Variants in PIPOX observed in about 807,000 individuals in gnomAD.
PIPOX encodes the protein peroxisomal sarcosine oxidase.
In PIPOX, 45 loss-of-function variants were observed where a neutral mutation model predicts 47.9. The ratio of observed to expected loss-of-function variants is 0.94; its 90% CI spans 0.74 to 1.20. The LOEUF is 1.20. Among genes scored for constraint, PIPOX ranks in the 50% most tolerant of loss-of-function variants. The pLI is 0.00. For synonymous variants in PIPOX, 165 were observed against 191.3 expected, an observed-to-expected ratio of 0.86 and a Z score of 1.13; for missense variants, 458 against 498.4, an observed-to-expected ratio of 0.92 and a Z score of 0.77.
In PIPOX at chr17:29,043,239, A is replaced by G; in HGVS notation, c.14A>G (p.Lys5Arg). Residue 5 changes from lysine to arginine, a missense_variant, in exon 1 of 8, where the codon AAA becomes AGA. Transcript: ENST00000323372. MAAQ[K>R]DLWDAIVIGA... ...CTGAGTGGCATCATGGCGGCTCAGA[A>G]AGATCTCTGGGACGCCATTGTGATT... 6.2e-7 allele frequency: 1 copy of G among 1,613,046 alleles called. No homozygotes were observed. The highest frequency in any genetic ancestry group is 1.7e-4 in the Middle Eastern group (1 of 6,052).
At chr17:29,051,459 C>T (rs1271991665) in intron 2 of PIPOX, among the ~76,000 whole-genome samples, 1 of 152,172 alleles carries the variant, frequency 6.6e-6, no homozygotes, top group Non-Finnish European at 1.5e-5. Flanking sequence ...CCATGAGACT[C>T]CATTATAGGC....
rs971009828 is a variant in PIPOX at position 29,056,707 on chromosome 17, G to A, written c.*402G>A. The A allele has an allele frequency of 1.1e-5, 2 of 184,616 alleles. No homozygotes were observed. The highest frequency in any genetic ancestry group is 4.7e-5 in the African/African-American group (2 of 42,246). The allele number at this position is 184,616 out of a possible 1,614,324, so 11.4% of individuals were successfully genotyped here. On this transcript the variant is annotated 3_prime_UTR_variant, in exon 8 of 8. Transcript: ENST00000323372. ...TAAAAATTCTCTTTGCTGGGGGCCG[G>A]GTGTGGTGGCTCACACCTGTAATCT...
At chr17:29,050,703 G>A (rs566589755) in intron 2 of PIPOX, among the ~76,000 whole-genome samples, 2 of 152,262 alleles carry the variant, frequency 1.3e-5, no homozygotes, top group South Asian at 2.1e-4. Context: ...CAAGTGTGGT[G>A]GCATGTGCCT....
intron 2 of PIPOX, among the ~76,000 whole-genome samples, chr17:29,048,366 G>C (rs1439544707): frequency 6.6e-6 from 1 of 152,188 alleles, no homozygotes; most frequent in Non-Finnish European, 1.5e-5. Context: ...TTAGGAGTTG[G>C]CAGTTCAGGT....
intron 6 of PIPOX, 134 bp from the exon 7 acceptor site, chr17:29,055,679 T>G: frequency 1.3e-6 from 1 of 773,732 alleles, no homozygotes; most frequent in Non-Finnish European, 2.3e-6. Context: ...GGCACGGGCA[T>G]GCGGAAAGCA....
At chr17:29,051,758 A>G (rs1232030674) in intron 2 of PIPOX, among the ~76,000 whole-genome samples, 1 of 152,214 alleles carries the variant, frequency 6.6e-6, no homozygotes, top group Non-Finnish European at 1.5e-5. Flanking sequence ...CTAGGAGACC[A>G]TCTATCGGTG....
At chr17:29,053,803 G>A (rs2065816606) in intron 4 of PIPOX, 1 of 465,800 alleles carries the variant, frequency 2.1e-6, no homozygotes, top group African/African-American at 1.9e-5. Flanking sequence ...TTAGGCTGGT[G>A]CAAAAGTAAT....
At chr17:29,053,817 A>G (rs888488236) in intron 4 of PIPOX, among the ~76,000 whole-genome samples, 1 of 152,206 alleles carries the variant, frequency 6.6e-6, no homozygotes, top group Non-Finnish European at 1.5e-5. Flanking sequence ...AAGTAATTGC[A>G]GTTTTACCGT....
In PIPOX at chr17:29,053,106, T is replaced by C; in HGVS notation, c.450T>C (p.Tyr150=). The C allele has an allele frequency of 8.1e-6, 13 of 1,614,192 alleles. No individual in the cohort carries two copies. The highest frequency in any genetic ancestry group is 1.1e-5 in the Non-Finnish European group (13 of 1,180,022). The change falls in exon 3 of 8, where the codon TAT becomes TAC. Residue 150 remains tyrosine, a synonymous_variant. Transcript: ENST00000323372. ...GLLDNSGGVI[Y]AYKALRALQD... ...TGGACAATTCCGGAGGAGTTATCTA[T>C]GCATATAAGGCCCTCAGAGCCCTGC... is the stretch of plus-strand genomic sequence containing the variant.
intron 4 of PIPOX, among the ~76,000 whole-genome samples, chr17:29,054,260 G>T (rs2065818181): frequency 6.6e-6 from 1 of 152,182 alleles, no homozygotes. Flanking sequence ...CAATAAACCT[G>T]AGGTCTTATT....
At position 29,055,907 on chromosome 17, in the gene PIPOX, G is replaced by A. The variant is rs377506685; in HGVS notation, c.1042+19G>A. The A allele has an allele frequency of 2.5e-6, 4 of 1,609,338 alleles. No homozygotes were observed. Among genetic ancestry groups the A allele is most frequent in the East Asian group, 2.2e-5 (1 of 44,872 alleles). On this transcript the variant is annotated intron_variant, in intron 7 of 7. Transcript: ENST00000323372. ...TTCTCTGGTGAGTCTGAGCTGGGGG[G>A]AATGGGGTGCCTTAAAGCTGACCTA... is the stretch of plus-strand genomic sequence containing the variant.
intron 6 of PIPOX, among the ~76,000 whole-genome samples, 192 bp from the exon 7 acceptor site, chr17:29,055,621 G>A (rs1046661258): frequency 2.0e-5 from 3 of 152,184 alleles, no homozygotes; most frequent in African/African-American, 4.8e-5. Flanking sequence ...AGCTCTGTGC[G>A]AGAAGAAAGG....
intron 7 of PIPOX, 120 bp downstream of exon 7, chr17:29,056,008 A>G (rs1002788317): frequency 2.4e-6 from 3 of 1,261,456 alleles, no homozygotes; most frequent in African/African-American, 2.9e-5. Flanking sequence ...CATTGTAGGT[A>G]TAAGGAGGCT....
intron 3 of PIPOX, 135 bp from the exon 4 acceptor site, chr17:29,053,278 A>G: frequency 4.2e-6 from 5 of 1,186,262 alleles, no homozygotes; most frequent in Non-Finnish European, 6.0e-6. Flanking sequence ...GCAGTGAAAT[A>G]TATGCGGCTG....
intron 4 of PIPOX, 181 bp downstream of exon 4, chr17:29,053,776 G>A (rs1485277822): frequency 1.0e-5 from 5 of 484,076 alleles, no homozygotes; most frequent in Admixed American, 6.7e-5. Flanking sequence ...TCATAGGGCT[G>A]TTGGAGAATT....
At position 29,054,599 on chromosome 17, in the gene PIPOX, G is replaced by A; in HGVS notation, c.715G>A (p.Val239Met). ...AGAGATGGTTCCTGGGAGCTATGGTGTGTCCCAGGCCTTTCCGTGCTTCCT... is the reference window on the plus strand; with the variant it reads ...AGAGATGGTTCCTGGGAGCTATGGTATGTCCCAGGCCTTTCCGTGCTTCCT... ...WREMVPGSYG[V>M]SQAFPCFLWL... The change falls in exon 5 of 8, where the codon GTG (valine) becomes ATG (methionine). Residue 239 changes from valine (V) to methionine (M), a missense_variant. Physicochemically the swap from Val to Met is conservative, Grantham distance 21 (BLOSUM62 1). Transcript: ENST00000323372. 6.2e-7 allele frequency: 1 copy of A among 1,614,168 alleles called. No individual in the cohort carries two copies. The highest frequency in any genetic ancestry group is 1.1e-5 in the South Asian group (1 of 91,086).
Position 29,043,658 on chromosome 17 carries a change from C to T in PIPOX, c.114+319C>T, listed in dbSNP as rs564158074. On this transcript the variant is annotated intron_variant, in intron 1 of 7. Transcript: ENST00000323372. ...CCTTCTGTGCCCAAATGGTTGATCC[C>T]CACCCCAGAAAAATAATTGGTTCTG... Among the ~76,000 whole-genome samples, 9 of 152,232 alleles carry T rather than the reference C, an allele frequency of 5.9e-5. No homozygotes were observed. The South Asian group carries it at 1.7e-3, about 28-fold the overall frequency.
At chr17:29,050,834 A>AG (rs199995080) in intron 2 of PIPOX, among the ~76,000 whole-genome samples, 3,741 of 151,054 alleles carry the variant, frequency 0.025, 129 homozygotes, top group African/African-American at 0.074. Context: ...CCATTAAAAA[A>AG]AAAAAAGAAA....
intron 2 of PIPOX, chr17:29,052,070 A>G (rs962767710): frequency 2.6e-4 from 120 of 470,544 alleles, no homozygotes; most frequent in Admixed American, 7.1e-4. Flanking sequence ...ACAGAGCCAG[A>G]TCTCTCAGTT....
Sources: allele counts gnomAD v4.1 joint callset (sites outside exome capture counted in the v4.1 genomes callset), GRCh38; gene constraint gnomAD v4.1.1; transcripts MANE v1.5; gene names NCBI Gene and HGNC (gene_info 2026-07-23, HGNC 2026-07-21).